The following SMAP2 variants were observed in gnomAD, a reference collection of about 807,000 sequenced individuals.
The protein encoded by SMAP2 is stromal membrane-associated protein 2.
A neutral mutation model predicts 56.4 loss-of-function variants in SMAP2; 25 were observed. That is an observed-to-expected ratio of 0.44 (90% CI 0.32 to 0.62). The LOEUF (loss-of-function observed/expected upper bound fraction) is 0.62. SMAP2 is among the 20% of genes least tolerant of loss of function. The pLI is 0.04. For missense variants in SMAP2, 388 were observed against 545.6 expected (o/e 0.71, Z 2.88); for synonymous variants, 157 against 181.7 (o/e 0.86, Z 1.09).
At position 40,374,329 on chromosome 1, in the gene SMAP2, A is replaced by G. The variant is rs562401832; in HGVS notation, c.103+106A>G. On this transcript the variant is annotated intron_variant, in intron 1 of 9. Coordinates refer to ENST00000372718, the MANE Select transcript of SMAP2 (RefSeq NM_022733.3). The surrounding 1 kb of genome is among the most constrained non-coding windows in gnomAD (Gnocchi z 5.9). ...AAGCTTAGGCCGCCCAACTCGGCTT[A>G]TAAGTGGTAACGCGTGCTGCGCTTG... 3.2e-6 allele frequency: 3 copies of G among 940,392 alleles called. No homozygotes were observed. Among genetic ancestry groups the G allele is most frequent in the Non-Finnish European group, 3.4e-6 (2 of 594,180 alleles). The allele number at this position is 940,392 out of a possible 1,614,324, so 58.3% of individuals were successfully genotyped here.
chr1:40,376,638 T>G (rs1206794733), intron 1 of SMAP2, among the ~76,000 whole-genome samples: 1 of 152,216 alleles, frequency 6.6e-6, no homozygotes, highest in Non-Finnish European at 1.5e-5. Context: ...ATCAGATTGT[T>G]GAAGGAAAAG....
intron 1 of SMAP2, among the ~76,000 whole-genome samples, chr1:40,404,641 G>GTCTTATGAGT (rs1553121166): frequency 6.6e-6 from 1 of 152,154 alleles, no homozygotes; most frequent in African/African-American, 2.4e-5. Flanking sequence ...ATCTTAACTT[G>GTCTTATGAGT]TCTTATGAGT....
intron 1 of SMAP2, among the ~76,000 whole-genome samples, chr1:40,398,439 C>T (rs1644795259): frequency 6.6e-6 from 1 of 152,062 alleles, no homozygotes; most frequent in African/African-American, 2.4e-5. Flanking sequence ...CATGTGTACT[C>T]TTTTAATACT....
At chr1:40,349,520 T>C (rs1644401659) in intron 1 of SMAP2, among the ~76,000 whole-genome samples, 1 of 152,142 alleles carries the variant, frequency 6.6e-6, no homozygotes, top group African/African-American at 2.4e-5. Context: ...TCCTTCTTTT[T>C]TCTTTCTTTT....
At chr1:40,387,907 T>C (rs1383001271) in intron 1 of SMAP2, among the ~76,000 whole-genome samples, 2 of 149,618 alleles carry the variant, frequency 1.3e-5, no homozygotes, top group African/African-American at 4.9e-5. Flanking sequence ...CCAGCTGGAG[T>C]TCCGGGTGGG....
intron 1 of SMAP2, among the ~76,000 whole-genome samples, chr1:40,357,771 C>T (rs547332944): frequency 1.3e-4 from 20 of 152,170 alleles, no homozygotes; most frequent in Middle Eastern, 3.4e-3. Context: ...TTTCATTTTG[C>T]TCCATTTGTC....
chr1:40,358,241 C>T (rs185366306), intron 1 of SMAP2, among the ~76,000 whole-genome samples: 3 of 152,172 alleles, frequency 2.0e-5, no homozygotes, highest in Admixed American at 2.0e-4. Context: ...TGTTGACATA[C>T]AGAAATGCTA....
chr1:40,405,017 G>T (rs948994717), intron 1 of SMAP2, among the ~76,000 whole-genome samples: 2 of 152,196 alleles, frequency 1.3e-5, no homozygotes, highest in African/African-American at 2.4e-5. Context: ...CAGGCGGAGA[G>T]CACCACCTGG....
At chr1:40,415,147 G>A in intron 6 of SMAP2, 125 bp from the exon 7 acceptor site, 1 of 725,258 alleles carries the variant, frequency 1.4e-6, no homozygotes, top group East Asian at 2.5e-5. Context: ...CATGCTAGAT[G>A]GTTCCAGAAG....
chr1:40,416,444 A>G lies in SMAP2; in HGVS notation c.847+103A>G. On this transcript the variant is annotated intron_variant, in intron 8 of 9. Coordinates refer to ENST00000372718, the MANE Select transcript of SMAP2 (RefSeq NM_022733.3). ...GAGGACAGTTGCTTTGGGGGCCAGG[A>G]TGTCATACACCAAACAAACCTGAAC... 3.0e-6 allele frequency: 4 copies of G among 1,345,878 alleles called. No individual in the cohort carries two copies. The East Asian group carries it at 9.2e-5, about 31-fold the overall frequency. 83.4% of individuals were successfully genotyped at this position (1,345,878 alleles called of 1,614,324 possible).
chr1:40,406,501 T>C (rs753567740), intron 1 of SMAP2, among the ~76,000 whole-genome samples: 34 of 152,210 alleles, frequency 2.2e-4, no homozygotes, highest in Non-Finnish European at 4.6e-4. Context: ...TGGAATTAGA[T>C]AGTAGTAATC....
chr1:40,346,782 A>G (rs1644387449), intron 1 of SMAP2, among the ~76,000 whole-genome samples: 1 of 152,120 alleles, frequency 6.6e-6, no homozygotes, highest in South Asian at 2.1e-4. Flanking sequence ...AGTTCCCTGT[A>G]TATTCAACAA....
chr1:40,366,319 A>G (rs1344739087), intron 2 of SMAP2, among the ~76,000 whole-genome samples: 1 of 146,142 alleles, frequency 6.8e-6, no homozygotes, highest in Non-Finnish European at 1.5e-5. Flanking sequence ...TTAGCAAGGC[A>G]GGCCAACGTT....
At chr1:40,350,004 G>A (rs1352196141) in intron 1 of SMAP2, among the ~76,000 whole-genome samples, 3 of 152,162 alleles carry the variant, frequency 2.0e-5, no homozygotes, top group African/African-American at 7.2e-5. Flanking sequence ...TGGCTAGGGA[G>A]ACAGTACTCC....
intron 1 of SMAP2, among the ~76,000 whole-genome samples, chr1:40,346,120 C>T (rs1287077595): frequency 1.3e-5 from 2 of 150,976 alleles, no homozygotes; most frequent in East Asian, 1.9e-4. Flanking sequence ...CCACAATATA[C>T]TTTTAAAGTC....
chr1:40,412,009 T>G (rs1453633731), intron 4 of SMAP2, among the ~76,000 whole-genome samples: 2 of 152,206 alleles, frequency 1.3e-5, no homozygotes, highest in African/African-American at 4.8e-5. Context: ...TCTGTGTTGC[T>G]TATATAGTGT....
intron 2 of SMAP2, chr1:40,364,953 C>T (rs1410821696): frequency 2.2e-5 from 5 of 230,586 alleles, no homozygotes; most frequent in South Asian, 7.7e-5. Context: ...TGACACACAA[C>T]AAAAACATGG....
chr1:40,417,421 G>C lies in SMAP2; in HGVS notation c.1164+325G>C, dbSNP rs941805004. Among the ~76,000 whole-genome samples, 3 of 152,192 alleles carry C rather than the reference G, an allele frequency of 2.0e-5. 1 individual carries two copies. In the South Asian group the frequency reaches 6.2e-4, roughly 32 times the overall value. ...ATTCTCACAACAATCTCATTTGGTA[G>C]ACAGAATACTGCAAGGTTCAAATGG... is the stretch of plus-strand genomic sequence containing the variant. On this transcript the variant is annotated intron_variant, in intron 9 of 9. Coordinates refer to ENST00000372718, the MANE Select transcript of SMAP2 (RefSeq NM_022733.3).
At chr1:40,360,571 G>A (rs1286596366) in intron 1 of SMAP2, among the ~76,000 whole-genome samples, 1 of 152,164 alleles carries the variant, frequency 6.6e-6, no homozygotes, top group Non-Finnish European at 1.5e-5. Flanking sequence ...CCAAAGTGCT[G>A]GGATTACAGG....
Sources: allele counts gnomAD v4.1 joint callset (sites outside exome capture counted in the v4.1 genomes callset), GRCh38; gene constraint gnomAD v4.1.1; non-coding constraint Gnocchi (gnomAD v3.1); transcripts MANE v1.5; gene names NCBI Gene and HGNC (gene_info 2026-07-23, HGNC 2026-07-21).